Variants in NUBP1 observed in about 807,000 individuals in gnomAD.
NUBP1 encodes NUBP iron-sulfur cluster assembly factor 1, cytosolic, also known as cytosolic Fe-S cluster assembly factor NUBP1.
NUBP1 carries 46 observed loss-of-function variants against 41.8 expected under a neutral mutation model. The observed-to-expected ratio is 1.10, with a 90% CI of 0.87 to 1.41. The LOEUF (loss-of-function observed/expected upper bound fraction) is 1.41, where lower values mean the gene tolerates loss of function less well. Among genes scored for constraint, NUBP1 ranks in the 40% most tolerant of loss-of-function variants. NUBP1 has a pLI of 0.00. For synonymous variants in NUBP1, 189 were observed against 154.6 expected (o/e 1.22, Z -1.65); for missense variants, 494 against 414.0 (o/e 1.19, Z -1.68).
intron 2 of NUBP1, 71 bp from the exon 3 acceptor site, chr16:10,747,072 A>G (rs192815548): frequency 6.3e-7 from 1 of 1,584,672 alleles, no homozygotes; most frequent in African/African-American, 1.3e-5. Flanking sequence ...AGCTCTTTCT[A>G]GTTGACTGGA....
intron 2 of NUBP1, among the ~76,000 whole-genome samples, chr16:10,744,538 G>C (rs1439266094): frequency 6.6e-6 from 1 of 152,132 alleles, no homozygotes; most frequent in African/African-American, 2.4e-5. Context: ...TGATCGCCTC[G>C]TAGGTTTGGT....
chr16:10,744,134 G>T, intron 2 of NUBP1, 69 bp downstream of exon 2: 2 of 1,175,112 alleles, frequency 1.7e-6, no homozygotes, highest in Non-Finnish European at 2.3e-6. Flanking sequence ...GCGTGGGAGG[G>T]AGGGGGCGGG....
intron 2 of NUBP1, 38 bp from the exon 3 acceptor site, chr16:10,747,105 G>T (rs1298415729): frequency 6.2e-7 from 1 of 1,611,468 alleles, no homozygotes; most frequent in Non-Finnish European, 8.5e-7. Context: ...GAGGTTTGGT[G>T]TGGGACCTCA....
intron 2 of NUBP1, among the ~76,000 whole-genome samples, chr16:10,744,732 CAGG>C (rs1249175657): frequency 5.9e-5 from 9 of 152,164 alleles, no homozygotes; most frequent in Middle Eastern, 3.4e-3. Context: ...AAGCAGGAGG[CAGG>C]AGGACAATAT....
intron 7 of NUBP1, among the ~76,000 whole-genome samples, chr16:10,758,725 A>G (rs1457945813): frequency 2.0e-5 from 3 of 152,196 alleles, no homozygotes; most frequent in Admixed American, 2.0e-4. Flanking sequence ...TTTACATCCC[A>G]GGATGATTTA....
At position 10,769,111 on chromosome 16, in the gene NUBP1, G is replaced by A. The variant is rs527993353; in HGVS notation, c.*6G>A. 14 of 1,613,554 alleles carry A rather than the reference G, an allele frequency of 8.7e-6. 1 individual carries two copies. In the Admixed American group the frequency reaches 2.0e-4, roughly 23 times the overall value. The stretch of plus-strand genomic sequence containing the variant: ...AGAACCTCATCAGTTCCTGAAACGA[G>A]AGAATGTTCAGGACCAAGCAGTTAC... On this transcript the variant is annotated 3_prime_UTR_variant, in exon 11 of 11. Coordinates refer to ENST00000283027, the MANE Select transcript of NUBP1 (RefSeq NM_002484.4).
In NUBP1 at chr16:10,768,093, G is replaced by T. The variant is rs1047329714; in HGVS notation, c.904+61G>T. The T allele has an allele frequency of 1.5e-5, 23 of 1,532,044 alleles. No individual in the cohort carries two copies. In the African/African-American group the frequency reaches 3.0e-4, roughly 20 times the overall value. The allele number at this position is 1,532,044 out of a possible 1,614,324, so 94.9% of individuals were successfully genotyped here. On this transcript the variant is annotated intron_variant, in intron 10 of 10. Coordinates refer to ENST00000283027, the MANE Select transcript of NUBP1 (RefSeq NM_002484.4). This position sits in a 1 kb window ranked among gnomAD's most constrained non-coding sequence, Gnocchi z 4.3. Reference sequence around the variant, plus strand: ...GTGGGGCAGGAAGCAACATAAAGGAGCCAGGGGTGTGGAAGGACAGGTGGG... The same window carrying T: ...GTGGGGCAGGAAGCAACATAAAGGATCCAGGGGTGTGGAAGGACAGGTGGG...
At chr16:10,746,351 C>G (rs1413114127) in intron 2 of NUBP1, among the ~76,000 whole-genome samples, 2 of 152,194 alleles carry the variant, frequency 1.3e-5, no homozygotes, top group African/African-American at 4.8e-5. Context: ...CAGGATCACT[C>G]TTTGTTGTGG....
At position 10,767,239 on chromosome 16, in the gene NUBP1, T is replaced by G. The variant is rs1019968206; in HGVS notation, c.821-710T>G. 2 of 399,848 alleles carry G rather than the reference T, an allele frequency of 5.0e-6. No homozygotes were observed. The highest frequency in any genetic ancestry group is 4.1e-5 in the African/African-American group (2 of 48,648). 24.8% of individuals were successfully genotyped at this position (399,848 alleles called of 1,614,324 possible). ...CAGACTGGAGGCGAGAACACCCCCA[T>G]TGACCCCTAGCCCCTTGTGTCCTGT... On this transcript the variant is annotated intron_variant, in intron 9 of 10. Transcript: ENST00000283027. This position sits in a 1 kb window ranked among gnomAD's most constrained non-coding sequence, Gnocchi z 4.6.
Position 10,749,023 on chromosome 16 carries a change from G to A in NUBP1, c.258+1747G>A, listed in dbSNP as rs1397985003. 6.6e-6 allele frequency among the ~76,000 whole-genome samples: 1 copy of A among 151,872 alleles called. No homozygotes were observed. Among genetic ancestry groups the A allele is most frequent in the African/African-American group, 2.4e-5 (1 of 41,332 alleles). On this transcript the variant is annotated intron_variant, in intron 3 of 10. Coordinates refer to ENST00000283027, the MANE Select transcript of NUBP1 (RefSeq NM_002484.4). This position sits in a 1 kb window ranked among gnomAD's most constrained non-coding sequence, Gnocchi z 4.1. ...TGAGAATCGTTTGAACCCAGGAGGC[G>A]GAGGTCGCGGTGGGCCAAGATTGCC...
At position 10,752,684 on chromosome 16, in the gene NUBP1, A is replaced by G. The variant is rs1374165050; in HGVS notation, c.327+6A>G. On this transcript the variant is annotated splice_donor_region_variant and intron_variant, in intron 4 of 10. Coordinates refer to ENST00000283027, the MANE Select transcript of NUBP1 (RefSeq NM_002484.4). ...TGGGATTGGAAGGAGAGCAGGTAATAGCCGGTTACAGAACTCAGGAAATTA... is the reference window on the plus strand; with the variant it reads ...TGGGATTGGAAGGAGAGCAGGTAATGGCCGGTTACAGAACTCAGGAAATTA... The G allele has an allele frequency of 3.1e-6, 5 of 1,612,246 alleles. No individual in the cohort carries two copies. The Admixed American group carries it at 8.3e-5, about 27-fold the overall frequency.
In NUBP1 at chr16:10,758,012, C is replaced by G. The variant is rs200547680; in HGVS notation, c.591C>G (p.Ile197Met). 1.5e-4 allele frequency: 237 copies of G among 1,613,746 alleles called. No homozygotes were observed. The highest frequency in any genetic ancestry group is 1.8e-4 in the Non-Finnish European group (216 of 1,179,840). Residue 197 changes from isoleucine to methionine, a missense_variant, in exon 7 of 11, where the codon ATC (isoleucine) becomes ATG (methionine). Coordinates refer to ENST00000283027, the MANE Select transcript of NUBP1 (RefSeq NM_002484.4). ...CAGCACACATCGATGGAGCAGTGATCATCACCACTCCCCAGGTGAGCGAGC... is the reference window on the plus strand; with the variant it reads ...CAGCACACATCGATGGAGCAGTGATGATCACCACTCCCCAGGTGAGCGAGC... ...LATAHIDGAV[I>M]ITTPQEVSLQ...
rs1182069218 is a variant in NUBP1, at chr16:10,743,879, C to T, written c.16C>T (p.His6Tyr). MEEVP[H>Y]DCPGADSAQA... ...AGGCGACGGAATGGAGGAGGTGCCTCACGGTAAGCTCGCGGAGGGGGCGTG... is the reference window on the plus strand; with the variant it reads ...AGGCGACGGAATGGAGGAGGTGCCTTACGGTAAGCTCGCGGAGGGGGCGTG... Residue 6 changes from histidine to tyrosine, a missense_variant, in exon 1 of 11, where the codon CAC (histidine) becomes TAC (tyrosine). His to Tyr is a moderately conservative substitution (Grantham distance 83, BLOSUM62 2). Transcript: ENST00000283027. 5 of 1,567,490 alleles carry T rather than the reference C, an allele frequency of 3.2e-6. No individual in the cohort carries two copies. The highest frequency in any genetic ancestry group is 4.3e-6 in the Non-Finnish European group (5 of 1,157,636).
chr16:10,768,648 C>G lies in NUBP1; in HGVS notation c.905-399C>G, dbSNP rs1489715060. Reference sequence around the variant, plus strand: ...AAAATAAAAACTTTGTTGAGCCAGACCAAACCCACGTGCAGGCCACATTCA... The same window carrying G: ...AAAATAAAAACTTTGTTGAGCCAGAGCAAACCCACGTGCAGGCCACATTCA... On this transcript the variant is annotated intron_variant, in intron 10 of 10. Transcript: ENST00000283027. This position sits in a 1 kb window ranked among gnomAD's most constrained non-coding sequence, Gnocchi z 4.3. 1 of 183,226 alleles carries G rather than the reference C, an allele frequency of 5.5e-6. No homozygotes were observed. The highest frequency in any genetic ancestry group is 2.4e-5 in the African/African-American group (1 of 42,530). The allele number at this position is 183,226 out of a possible 1,614,324, so 11.4% of individuals were successfully genotyped here. A position where few individuals can be genotyped will look rare whatever the true frequency, so the allele number is the denominator to read the frequency against.
intron 3 of NUBP1, among the ~76,000 whole-genome samples, chr16:10,750,048 G>C (rs1310035141): frequency 6.6e-6 from 1 of 152,068 alleles, no homozygotes; most frequent in Non-Finnish European, 1.5e-5. Flanking sequence ...CATAAAAAAA[G>C]TTAGCCAGGT....
chr16:10,759,606 T>C lies in NUBP1; in HGVS notation c.606+1579T>C, dbSNP rs889942364. ...CTGGCCAATATGGCAAAACCCTGTC[T>C]CTACCAAAAAAATACAAAAATTAGC... On this transcript the variant is annotated intron_variant, in intron 7 of 10. Coordinates refer to ENST00000283027, the MANE Select transcript of NUBP1 (RefSeq NM_002484.4). The surrounding 1 kb of genome is among the most constrained non-coding windows in gnomAD (Gnocchi z 4.7). 6.6e-6 allele frequency among the ~76,000 whole-genome samples: 1 copy of C among 152,090 alleles called. No homozygotes were observed. Among genetic ancestry groups the C allele is most frequent in the Admixed American group, 6.5e-5 (1 of 15,270 alleles).
Position 10,766,658 on chromosome 16 carries a change from T to C in NUBP1, c.821-1291T>C, listed in dbSNP as rs1371283145. The C allele has an allele frequency of 3.5e-6, 1 of 283,852 alleles. No individual in the cohort carries two copies. Among genetic ancestry groups the C allele is most frequent in the Non-Finnish European group, 6.5e-6 (1 of 154,348 alleles). 17.6% of individuals were successfully genotyped at this position (283,852 alleles called of 1,614,324 possible). A position where few individuals can be genotyped will look rare whatever the true frequency, so the allele number is the denominator to read the frequency against. On this transcript the variant is annotated intron_variant, in intron 9 of 10. Coordinates refer to ENST00000283027, the MANE Select transcript of NUBP1 (RefSeq NM_002484.4). This position sits in a 1 kb window ranked among gnomAD's most constrained non-coding sequence, Gnocchi z 4.8. ...GTTCTTGGTGTCTGGAACAAAAAAT[T>C]GGACAAAACGCACAAAGAAAGGAAG...
rs775123166 is a variant in NUBP1, at chr16:10,752,645, G to A, written c.294G>A (p.Ser98=). The part of the protein sequence containing the change: ...ALLDIDICGP[S]IPKIMGLEGE... ...TAGACATCGATATATGTGGGCCATC[G>A]ATTCCCAAGATAATGGGATTGGAAG... is the stretch of plus-strand genomic sequence containing the variant. The change falls in exon 4 of 11, where the codon TCG becomes TCA. Residue 98 remains serine, a synonymous_variant. Coordinates refer to ENST00000283027, the MANE Select transcript of NUBP1 (RefSeq NM_002484.4). 5.1e-5 allele frequency: 83 copies of A among 1,613,774 alleles called. No homozygotes were observed. The highest frequency in any genetic ancestry group is 1.6e-4 in the Middle Eastern group (1 of 6,062).
intron 9 of NUBP1, among the ~76,000 whole-genome samples, chr16:10,762,519 C>A (rs1439933766): frequency 2.6e-5 from 4 of 152,238 alleles, no homozygotes; most frequent in African/African-American, 9.6e-5. Context: ...GAAGCTGCTC[C>A]CCCAGGAGGC....
Sources: allele counts gnomAD v4.1 joint callset (sites outside exome capture counted in the v4.1 genomes callset), GRCh38; gene constraint gnomAD v4.1.1; non-coding constraint Gnocchi (gnomAD v3.1); transcripts MANE v1.5; gene names NCBI Gene and HGNC (gene_info 2026-07-23, HGNC 2026-07-21).